SPIRE1: variants seen among roughly 807,000 people sequenced by gnomAD.
The protein encoded by SPIRE1 is protein spire homolog 1.
In SPIRE1, 40 loss-of-function variants were observed where a neutral mutation model predicts 94.1. The observed-to-expected ratio is 0.43, with a 90% CI of 0.33 to 0.55. SPIRE1 has a LOEUF of 0.55. Ranked by LOEUF, SPIRE1 falls within the 20% of genes least tolerant of loss-of-function variation. The probability of loss-of-function intolerance (pLI) is 0.06; values close to 1 mark genes in which losing one functional copy is unlikely to be tolerated. For synonymous variants in SPIRE1, 376 were observed against 371.7 expected (o/e 1.01, Z -0.13); for missense variants, 838 against 975.2 (o/e 0.86, Z 1.87).
intron 10 of SPIRE1, among the ~76,000 whole-genome samples, chr18:12,466,605 A>C (rs764135189): frequency 9.2e-5 from 14 of 152,156 alleles, no homozygotes; most frequent in Non-Finnish European, 1.5e-4. Context: ...ATACAAAAGG[A>C]AGAAAATTAG....
At chr18:12,579,040 T>A (rs2036185776) in intron 2 of SPIRE1, among the ~76,000 whole-genome samples, 1 of 151,968 alleles carries the variant, frequency 6.6e-6, no homozygotes, top group African/African-American at 2.4e-5. Flanking sequence ...TGGAAATGGG[T>A]CTTTTTGAAT....
chr18:12,574,193 G>A (rs977148668), intron 2 of SPIRE1, among the ~76,000 whole-genome samples: 7 of 152,106 alleles, frequency 4.6e-5, no homozygotes, highest in Non-Finnish European at 1.0e-4. Flanking sequence ...TATACTTTCT[G>A]AACAATTTTT....
intron 7 of SPIRE1, among the ~76,000 whole-genome samples, chr18:12,495,623 T>C (rs1017219950): frequency 2.6e-5 from 4 of 152,236 alleles, no homozygotes; most frequent in Non-Finnish European, 4.4e-5. Flanking sequence ...CTGTAGTGGC[T>C]CATGTCTGTA....
At chr18:12,569,068 C>T (rs929356214) in intron 2 of SPIRE1, among the ~76,000 whole-genome samples, 5 of 152,112 alleles carry the variant, frequency 3.3e-5, no homozygotes, top group South Asian at 2.1e-4. Context: ...TGGCCGGGTG[C>T]GGTGGCTCAT....
chr18:12,541,782 T>C (rs1210091207), intron 3 of SPIRE1, among the ~76,000 whole-genome samples: 1 of 152,110 alleles, frequency 6.6e-6, no homozygotes, highest in Non-Finnish European at 1.5e-5. Context: ...AATTAGAGTA[T>C]TTTAGGCTAG....
Position 12,485,849 on chromosome 18 carries a change from A to C in SPIRE1, c.1231+110T>G, listed in dbSNP as rs893139292. 2.4e-4 allele frequency: 186 copies of C among 785,820 alleles called. No homozygotes were observed. In the African/African-American group the frequency reaches 2.6e-3, roughly 11 times the overall value. 48.7% of individuals were successfully genotyped at this position (785,820 alleles called of 1,614,324 possible). ...ATTTTACTGACCACGGCTTAGCAGA[A>C]GCCTTTCAATTTTCTTTTTTAACAT... On this transcript the variant is annotated intron_variant, in intron 9 of 16. Coordinates refer to ENST00000409402, the MANE Select transcript of SPIRE1 (RefSeq NM_001128626.2).
chr18:12,607,952 C>A (rs1408664211), intron 2 of SPIRE1, among the ~76,000 whole-genome samples: 1 of 151,938 alleles, frequency 6.6e-6, no homozygotes, highest in Non-Finnish European at 1.5e-5. Flanking sequence ...GTCAGGAGAT[C>A]GAGACCATCC....
At chr18:12,556,690 G>T (rs564152013) in intron 2 of SPIRE1, among the ~76,000 whole-genome samples, 1 of 152,116 alleles carries the variant, frequency 6.6e-6, no homozygotes, top group African/African-American at 2.4e-5. Context: ...CTCTGGAGTT[G>T]TTCCTCCCTC....
intron 9 of SPIRE1, among the ~76,000 whole-genome samples, chr18:12,484,430 TAGTA>T (rs1271473927): frequency 3.9e-5 from 6 of 152,194 alleles, no homozygotes; most frequent in East Asian, 1.9e-4. Context: ...CAGTCAAAAA[TAGTA>T]AGTGAGTGAT....
rs529231283 is a variant in SPIRE1, at chr18:12,641,788, T to C, written c.338-6692A>G. ...CTTAAACCAATTTCCCCCAACAAAA[T>C]CATCTTTGCCAAGTTGCATTTTAAG... On this transcript the variant is annotated intron_variant, in intron 1 of 16. Transcript: ENST00000409402. 1.2e-3 allele frequency among the ~76,000 whole-genome samples: 180 copies of C among 151,274 alleles called. 1 individual carries two copies. The Middle Eastern group carries it at 0.021, about 17-fold the overall frequency.
At chr18:12,461,273 A>C (rs1200235745) in intron 12 of SPIRE1, among the ~76,000 whole-genome samples, 1 of 152,154 alleles carries the variant, frequency 6.6e-6, no homozygotes, top group Non-Finnish European at 1.5e-5. Flanking sequence ...AACCTCAATA[A>C]TGACATTGTA....
intron 2 of SPIRE1, among the ~76,000 whole-genome samples, chr18:12,555,528 T>C (rs1166022049): frequency 6.6e-6 from 1 of 152,096 alleles, no homozygotes; most frequent in Admixed American, 6.6e-5. Flanking sequence ...TGCAAATCAA[T>C]CAATCTGACA....
intron 2 of SPIRE1, among the ~76,000 whole-genome samples, chr18:12,630,881 A>T (rs1466242223): frequency 6.6e-6 from 1 of 152,182 alleles, no homozygotes; most frequent in Non-Finnish European, 1.5e-5. Flanking sequence ...TTACAGAGGG[A>T]ATGGCAGAAA....
At chr18:12,465,886 TCAGCCTGGC>T (rs1277926120) in intron 10 of SPIRE1, among the ~76,000 whole-genome samples, 12 of 151,936 alleles carry the variant, frequency 7.9e-5, no homozygotes, top group Non-Finnish European at 1.3e-4. Flanking sequence ...GAGTTTGAGA[TCAGCCTGGC>T]CAGCATGGTG....
chr18:12,658,007 C>G lies in SPIRE1; in HGVS notation c.-141G>C, dbSNP rs527793785. 1.0e-6 allele frequency: 1 copy of G among 994,286 alleles called. No individual in the cohort carries two copies. Among genetic ancestry groups the G allele is most frequent in the African/African-American group, 1.7e-5 (1 of 57,234 alleles). 61.6% of individuals were successfully genotyped at this position (994,286 alleles called of 1,614,324 possible). A position where few individuals can be genotyped will look rare whatever the true frequency, so the allele number is the denominator to read the frequency against. The stretch of plus-strand genomic sequence containing the variant: ...GCGGCCGCGCGCGCCGCCGCCGGGA[C>G]CAGGCGAGTGCCCGGGAGGCGTGGG... On this transcript the variant is annotated 5_prime_UTR_variant, in exon 1 of 17. Coordinates refer to ENST00000409402, the MANE Select transcript of SPIRE1 (RefSeq NM_001128626.2).
chr18:12,568,796 C>T (rs1158239717), intron 2 of SPIRE1, among the ~76,000 whole-genome samples: 2 of 152,114 alleles, frequency 1.3e-5, no homozygotes, highest in African/African-American at 4.8e-5. Context: ...TCCTCTCAGA[C>T]ATATATGGTT....
chr18:12,506,144 A>G (rs1045867540), intron 6 of SPIRE1, among the ~76,000 whole-genome samples: 5 of 152,018 alleles, frequency 3.3e-5, no homozygotes, highest in Non-Finnish European at 7.4e-5. Flanking sequence ...TAACCATTTG[A>G]GTCCATTAAT....
At chr18:12,492,139 CA>C (rs1237437686) in intron 8 of SPIRE1, among the ~76,000 whole-genome samples, 1 of 152,044 alleles carries the variant, frequency 6.6e-6, no homozygotes, top group Non-Finnish European at 1.5e-5. Context: ...TAGTCAGAAA[CA>C]AAAACCATGG....
At position 12,626,886 on chromosome 18, in the gene SPIRE1, A is replaced by ATATATAT. The variant is rs55915333; in HGVS notation, c.372+8175_372+8176insATATATA. Among the ~76,000 whole-genome samples the ATATATAT allele has an allele frequency of 1.1e-3, 122 of 111,886 alleles. 1 individual carries two copies. Among genetic ancestry groups the ATATATAT allele is most frequent in the East Asian group, 3.6e-3 (14 of 3,862 alleles). 73.4% of individuals were successfully genotyped at this position (111,886 alleles called of 152,430 possible). ...CTGTAAAATATATATATATATATAT[A>ATATATAT]TTTTTTTTTTTTTTTTGCCCAGAGG... On this transcript the variant is annotated intron_variant, in intron 2 of 16. Transcript: ENST00000409402.
Sources: allele counts gnomAD v4.1 joint callset (sites outside exome capture counted in the v4.1 genomes callset), GRCh38; gene constraint gnomAD v4.1.1; transcripts MANE v1.5; gene names NCBI Gene and HGNC (gene_info 2026-07-23, HGNC 2026-07-21).